The following AOPEP variants were observed in gnomAD, a reference collection of about 807,000 sequenced individuals.
AOPEP encodes aminopeptidase O.
Under a neutral mutation model 98.1 loss-of-function variants are expected in AOPEP, and 77 were observed. That is an observed-to-expected ratio of 0.78 (90% CI 0.65 to 0.95). The LOEUF (loss-of-function observed/expected upper bound fraction) is 0.95. Among genes scored for constraint, AOPEP ranks in the 40% least tolerant of loss-of-function variants. The pLI, the probability that AOPEP is intolerant of heterozygous loss-of-function variation, is 0.00. For synonymous variants in AOPEP, 346 were observed against 365.3 expected (o/e 0.95, Z 0.60); for missense variants, 1,024 against 1,024.7 (o/e 1.00, Z 0.01).
chr9:95,059,664 A>G lies in AOPEP; in HGVS notation c.2116-1030A>G, dbSNP rs183990436. ...AGAACACCAGAAAGTGGCAGTTAAA[A>G]TCCAGGTGTTCTTATGAATGTACTG... is the stretch of plus-strand genomic sequence containing the variant. On this transcript the variant is annotated intron_variant, in intron 13 of 16. Transcript: ENST00000375315. 3.8e-4 allele frequency among the ~76,000 whole-genome samples: 58 copies of G among 152,274 alleles called. No homozygotes were observed. The East Asian group carries it at 8.7e-3, about 23-fold the overall frequency.
chr9:94,821,211 T>C (rs1324950646), intron 5 of AOPEP, among the ~76,000 whole-genome samples: 2 of 152,178 alleles, frequency 1.3e-5, no homozygotes, highest in African/African-American at 4.8e-5. Context: ...GCCTTGGCGT[T>C]GAGTGAATGA....
chr9:94,899,086 C>A (rs12551080), intron 5 of AOPEP, among the ~76,000 whole-genome samples: 1 of 150,834 alleles, frequency 6.6e-6, no homozygotes, highest in African/African-American at 2.4e-5. Flanking sequence ...TGGAGCAATT[C>A]GTAATACCTT....
At position 95,004,287 on chromosome 9, in the gene AOPEP, G is replaced by A. The variant is rs540403289; in HGVS notation, c.1978-871G>A. On this transcript the variant is annotated intron_variant, in intron 11 of 16. Coordinates refer to ENST00000375315, the MANE Select transcript of AOPEP (RefSeq NM_001193329.3). Reference sequence around the variant, plus strand: ...TTGGGGTATCGCACATTTTTATAAAGTAAGTGTAAACTTTCTCCCTAATTA... The same window carrying A: ...TTGGGGTATCGCACATTTTTATAAAATAAGTGTAAACTTTCTCCCTAATTA... 7.9e-5 allele frequency: 36 copies of A among 456,690 alleles called. No homozygotes were observed. The East Asian group carries it at 2.4e-3, about 30-fold the overall frequency. 28.3% of individuals were successfully genotyped at this position (456,690 alleles called of 1,614,324 possible).
intron 13 of AOPEP, among the ~76,000 whole-genome samples, chr9:95,014,859 A>G (rs1463705269): frequency 1.3e-5 from 2 of 152,186 alleles, no homozygotes; most frequent in African/African-American, 4.8e-5. Flanking sequence ...ATTGCTGAAA[A>G]CCTAAGTCAG....
At position 94,760,721 on chromosome 9, in the gene AOPEP, T is replaced by G. The variant is rs971702121; in HGVS notation, c.797+141T>G. The G allele has an allele frequency of 6.6e-6, 4 of 604,514 alleles. No homozygotes were observed. The Middle Eastern group carries it at 1.7e-3, about 250-fold the overall frequency. 37.4% of individuals were successfully genotyped at this position (604,514 alleles called of 1,614,324 possible). ...CCAAGTAGCCTCAAATCCTTAGACCTACAGTGAAGCAGGTAAATTCCCAGG... is the reference window on the plus strand; with the variant it reads ...CCAAGTAGCCTCAAATCCTTAGACCGACAGTGAAGCAGGTAAATTCCCAGG... On this transcript the variant is annotated intron_variant, in intron 2 of 16. Coordinates refer to ENST00000375315, the MANE Select transcript of AOPEP (RefSeq NM_001193329.3).
At chr9:94,796,471 G>A (rs1350423467) in intron 4 of AOPEP, among the ~76,000 whole-genome samples, 2 of 152,206 alleles carry the variant, frequency 1.3e-5, no homozygotes, top group African/African-American at 4.8e-5. Context: ...TCACAGTGGT[G>A]TTTTTGGTTA....
intron 13 of AOPEP, among the ~76,000 whole-genome samples, chr9:95,006,692 C>G (rs2062048175): frequency 6.6e-6 from 1 of 152,054 alleles, no homozygotes; most frequent in Non-Finnish European, 1.5e-5. Context: ...ATATATGTCA[C>G]TTCAGTTGAA....
intron 13 of AOPEP, among the ~76,000 whole-genome samples, chr9:95,035,491 A>T (rs1354250454): frequency 7.0e-6 from 1 of 142,888 alleles, no homozygotes; most frequent in African/African-American, 2.6e-5. Context: ...AATCTCTTTG[A>T]CACCAGCTTC....
chr9:94,748,655 A>G (rs752243758), intron 1 of AOPEP, among the ~76,000 whole-genome samples: 20 of 152,072 alleles, frequency 1.3e-4, no homozygotes, highest in Non-Finnish European at 2.5e-4. Flanking sequence ...ACCACATTGC[A>G]TTTTATCATA....
rs73657005 is a variant in AOPEP at position 94,864,887 on chromosome 9, G to A, written c.1365-59099G>A. 6.7e-3 allele frequency among the ~76,000 whole-genome samples: 1,013 copies of A among 152,260 alleles called. 8 individuals carry two copies. The highest frequency in any genetic ancestry group is 0.023 in the African/African-American group (974 of 41,544). On this transcript the variant is annotated intron_variant, in intron 5 of 16. Transcript: ENST00000375315. ...ATGTGAGTAAAACAAAGAGCCATCAGCAACACTTGTGTGGCTTTGATTTGA... is the reference window on the plus strand; with the variant it reads ...ATGTGAGTAAAACAAAGAGCCATCAACAACACTTGTGTGGCTTTGATTTGA...
At chr9:94,988,833 C>T (rs1194840395) in intron 11 of AOPEP, among the ~76,000 whole-genome samples, 2 of 151,980 alleles carry the variant, frequency 1.3e-5, no homozygotes, top group Non-Finnish European at 2.9e-5. Context: ...TCCATAGGTA[C>T]GGCTGGAACT....
chr9:95,110,130 A>G, the AOPEP span: 1 of 474,632 alleles, frequency 2.1e-6, no homozygotes, highest in South Asian at 9.0e-5. Flanking sequence ...AATCCTAGGC[A>G]TCCCCTGAGG....
intron 3 of AOPEP, among the ~76,000 whole-genome samples, chr9:94,775,729 C>CT (rs1841940686): frequency 1.3e-5 from 2 of 152,064 alleles, no homozygotes; most frequent in African/African-American, 4.8e-5. Flanking sequence ...AATCCCAGCA[C>CT]TTTTGGAGGC....
intron 9 of AOPEP, among the ~76,000 whole-genome samples, chr9:94,957,352 C>T (rs914797514): frequency 1.3e-5 from 2 of 152,098 alleles, no homozygotes; most frequent in South Asian, 2.1e-4. Flanking sequence ...GGATTACAGG[C>T]GCTTGCCACG....
chr9:95,030,384 AT>A (rs1409119977), intron 13 of AOPEP, among the ~76,000 whole-genome samples: 4 of 152,220 alleles, frequency 2.6e-5, no homozygotes, highest in Non-Finnish European at 5.9e-5. Flanking sequence ...TTTTGGAAAG[AT>A]CTGTTATGTA....
At chr9:94,951,543 G>A (rs1277631400) in intron 7 of AOPEP, among the ~76,000 whole-genome samples, 1 of 152,202 alleles carries the variant, frequency 6.6e-6, no homozygotes, top group Non-Finnish European at 1.5e-5. Flanking sequence ...ATAATAAGAA[G>A]AGCTTGGCTG....
At position 94,756,838 on chromosome 9, in the gene AOPEP, G is replaced by GGA. The variant is rs964341075; in HGVS notation, c.-135-2809_-135-2808dup. Among the ~76,000 whole-genome samples, 76 of 151,976 alleles carry GGA rather than the reference G, an allele frequency of 5.0e-4. 1 individual carries two copies. The highest frequency in any genetic ancestry group is 1.7e-3 in the African/African-American group (72 of 41,416). ...CTCCAGGCCTTAAGTCTTACCTGAG[G>GGA]GAGGCTACCCCCCGTTCTGGAAGCT... On this transcript the variant is annotated intron_variant, in intron 1 of 16. Coordinates refer to ENST00000375315, the MANE Select transcript of AOPEP (RefSeq NM_001193329.3).
intron 11 of AOPEP, 158 bp from the exon 12 acceptor site, chr9:95,005,000 G>A (rs922761510): frequency 2.4e-5 from 4 of 166,982 alleles, no homozygotes; most frequent in South Asian, 1.9e-4. Flanking sequence ...AGGTGATGCG[G>A]ACCCCGGGCG....
At chr9:94,738,023 A>G (rs1832166721) in intron 1 of AOPEP, among the ~76,000 whole-genome samples, 1 of 152,196 alleles carries the variant, frequency 6.6e-6, no homozygotes, top group Non-Finnish European at 1.5e-5. Flanking sequence ...TGAACCCAGG[A>G]AAGTATCTTA....
Sources: gnomAD v4.1 joint callset for allele counts (sites outside exome capture counted in the v4.1 genomes callset) on GRCh38, gnomAD v4.1.1 for gene constraint, MANE v1.5 for transcripts, NCBI Gene and HGNC (gene_info 2026-07-23, HGNC 2026-07-21) for gene names.